MKLN1: variants seen among roughly 807,000 people sequenced by gnomAD.
MKLN1 encodes the protein muskelin 1.
MKLN1 carries 18 observed loss-of-function variants against 99.0 expected under a neutral mutation model. The observed-to-expected ratio is 0.18, with a 90% CI of 0.13 to 0.27. The LOEUF (loss-of-function observed/expected upper bound fraction) is 0.27, where lower values mean the gene tolerates loss of function less well. Among genes scored for constraint, MKLN1 ranks in the 10% least tolerant of loss-of-function variants. The pLI, the probability that MKLN1 is intolerant of heterozygous loss-of-function variation, is 1.00. For synonymous variants in MKLN1, 288 were observed against 293.2 expected (o/e 0.98, Z 0.18); for missense variants, 621 against 875.9 (o/e 0.71, Z 3.67).
chr7:131,404,363 C>A (rs1794639026), intron 6 of MKLN1, among the ~76,000 whole-genome samples: 1 of 152,124 alleles, frequency 6.6e-6, no homozygotes, highest in Non-Finnish European at 1.5e-5. Context: ...CTCTTTGTCA[C>A]CCAGACTGGA....
intron 3 of MKLN1, among the ~76,000 whole-genome samples, chr7:131,301,524 C>A (rs1321054959): frequency 6.6e-6 from 1 of 152,148 alleles, no homozygotes; most frequent in South Asian, 2.1e-4. Flanking sequence ...ATGAGGGCAT[C>A]TAGTGTCTCT....
rs1283655965 is a variant in MKLN1, at chr7:131,495,167, T to C, written c.*7439T>C. ...TTTTAAAAGTCAGCTCTTTTATAAATTGGAAGTACTCAGTAGTCAGAAATT... is the reference window on the plus strand; with the variant it reads ...TTTTAAAAGTCAGCTCTTTTATAAACTGGAAGTACTCAGTAGTCAGAAATT... On this transcript the variant is annotated 3_prime_UTR_variant, in exon 18 of 18. Coordinates refer to ENST00000352689, the MANE Select transcript of MKLN1 (RefSeq NM_013255.5). 3 of 152,156 alleles carry C rather than the reference T, an allele frequency of 2.0e-5. No individual in the cohort carries two copies. Among genetic ancestry groups the C allele is most frequent in the Non-Finnish European group, 2.9e-5 (2 of 68,006 alleles). 9.4% of individuals were successfully genotyped at this position (152,156 alleles called of 1,614,324 possible).
At chr7:131,471,922 A>C (rs950287406) in intron 16 of MKLN1, 1 of 152,236 alleles carries the variant, frequency 6.6e-6, no homozygotes, top group East Asian at 1.9e-4. Flanking sequence ...ATACTCTTTC[A>C]TAGTTTCGTA....
At chr7:131,424,768 C>T (rs1025324017) in intron 8 of MKLN1, among the ~76,000 whole-genome samples, 12 of 152,046 alleles carry the variant, frequency 7.9e-5, no homozygotes, top group Non-Finnish European at 1.8e-4. Flanking sequence ...ATTTGTTTGC[C>T]GTTTCGAACA....
chr7:131,299,786 C>T (rs1798348951), intron 3 of MKLN1, among the ~76,000 whole-genome samples: 1 of 152,096 alleles, frequency 6.6e-6, no homozygotes, highest in Non-Finnish European at 1.5e-5. Context: ...GTTAACGTCG[C>T]ACATAGGAAT....
intron 1 of MKLN1, among the ~76,000 whole-genome samples, chr7:131,368,226 G>T (rs887947611): frequency 2.6e-5 from 4 of 152,106 alleles, no homozygotes; most frequent in African/African-American, 9.7e-5. Flanking sequence ...AAACAGTCTA[G>T]ATCTTACTTT....
At chr7:131,132,241 C>T (rs773594858) in intron 1 of MKLN1, among the ~76,000 whole-genome samples, 4 of 152,152 alleles carry the variant, frequency 2.6e-5, no homozygotes, top group African/African-American at 7.2e-5. Flanking sequence ...TGAGAACACT[C>T]GTACAATCTC....
chr7:131,346,446 C>T (rs1371182694), intron 1 of MKLN1, among the ~76,000 whole-genome samples: 3 of 151,618 alleles, frequency 2.0e-5, no homozygotes, highest in African/African-American at 7.3e-5. Context: ...TCCTTGAACC[C>T]GGGAGGCGGA....
upstream of MKLN1, among the ~76,000 whole-genome samples, chr7:131,324,603 G>T (rs1173636682): frequency 6.6e-6 from 1 of 152,144 alleles, no homozygotes. Context: ...TATTTACCAA[G>T]AATTTACATT....
At chr7:131,475,615 C>T (rs879581635) in intron 16 of MKLN1, among the ~76,000 whole-genome samples, 25 of 152,056 alleles carry the variant, frequency 1.6e-4, no homozygotes, top group Admixed American at 1.4e-3. Flanking sequence ...AGTTTGAGAC[C>T]AGCTTGGGCA....
At chr7:131,227,473 TTCTC>T (rs1284436982) in intron 3 of MKLN1, among the ~76,000 whole-genome samples, 3 of 143,226 alleles carry the variant, frequency 2.1e-5, no homozygotes, top group Non-Finnish European at 3.1e-5. Flanking sequence ...CTTTCTTTCT[TTCTC>T]TCTTTCTCTC....
chr7:131,283,127 T>A (rs560556703), intron 3 of MKLN1, among the ~76,000 whole-genome samples: 1 of 152,334 alleles, frequency 6.6e-6, no homozygotes, highest in South Asian at 2.1e-4. Flanking sequence ...GGATGGCTCA[T>A]TATACAGATC....
intron 3 of MKLN1, among the ~76,000 whole-genome samples, chr7:131,245,674 G>A (rs1422664836): frequency 6.6e-6 from 1 of 152,200 alleles, no homozygotes; most frequent in Non-Finnish European, 1.5e-5. Flanking sequence ...TTCAGTACAG[G>A]AGCATGTCAT....
At chr7:131,122,067 GC>G (rs1208747904) in intron 1 of MKLN1, among the ~76,000 whole-genome samples, 1 of 152,220 alleles carries the variant, frequency 6.6e-6, no homozygotes, top group African/African-American at 2.4e-5. Context: ...TCTCTCGTAA[GC>G]GTTAAGCTCC....
At chr7:131,400,479 A>G (rs1794500149) in intron 6 of MKLN1, among the ~76,000 whole-genome samples, 1 of 148,814 alleles carries the variant, frequency 6.7e-6, no homozygotes, top group African/African-American at 2.5e-5. Context: ...CAAATAACTA[A>G]TCTCTTAACA....
At chr7:131,407,663 C>T (rs1369648668) in intron 6 of MKLN1, among the ~76,000 whole-genome samples, 1 of 151,152 alleles carries the variant, frequency 6.6e-6, no homozygotes, top group East Asian at 1.9e-4. Context: ...TTCCCAACTG[C>T]CAGACCCTTT....
chr7:131,348,916 C>T (rs916278814), intron 1 of MKLN1, among the ~76,000 whole-genome samples: 7 of 152,066 alleles, frequency 4.6e-5, no homozygotes, highest in Non-Finnish European at 4.4e-5. Flanking sequence ...CATTTAATTT[C>T]TCTAGCCTTT....
At chr7:131,268,065 A>G (rs1262663130) in intron 3 of MKLN1, among the ~76,000 whole-genome samples, 5 of 152,256 alleles carry the variant, frequency 3.3e-5, no homozygotes, top group Non-Finnish European at 5.9e-5. Flanking sequence ...AACATATTAA[A>G]TAAATCACAT....
intron 2 of MKLN1, among the ~76,000 whole-genome samples, chr7:131,144,404 C>T (rs1029674836): frequency 6.6e-6 from 1 of 151,188 alleles, no homozygotes; most frequent in Non-Finnish European, 1.5e-5. Flanking sequence ...ATGGCATGAA[C>T]CTGGGAGGCG....
Sources: allele counts gnomAD v4.1 joint callset (sites outside exome capture counted in the v4.1 genomes callset), GRCh38; gene constraint gnomAD v4.1.1; transcripts MANE v1.5; gene names NCBI Gene and HGNC (gene_info 2026-07-23, HGNC 2026-07-21).